Variants in RGS7 observed in about 807,000 individuals in gnomAD.
RGS7 encodes the protein regulator of G-protein signaling 7.
RGS7 carries 27 observed loss-of-function variants against 81.1 expected under a neutral mutation model. The ratio of observed to expected loss-of-function variants is 0.33; its 90% CI spans 0.25 to 0.46. The LOEUF is 0.46. Ranked by LOEUF, RGS7 falls within the 20% of genes least tolerant of loss-of-function variation. RGS7 has a pLI of 1.00. For synonymous variants in RGS7, 208 were observed against 207.7 expected (o/e 1.00, Z -0.01); for missense variants, 396 against 607.4 (o/e 0.65, Z 3.66).
intron 2 of RGS7, among the ~76,000 whole-genome samples, chr1:241,129,769 C>A (rs933598635): frequency 6.6e-6 from 1 of 151,882 alleles, no homozygotes; most frequent in Admixed American, 6.6e-5. Flanking sequence ...TCTGTATTTC[C>A]AAAAAACTTC....
chr1:241,245,797 A>T (rs988998131), intron 2 of RGS7, among the ~76,000 whole-genome samples: 5 of 149,150 alleles, frequency 3.4e-5, no homozygotes, highest in African/African-American at 7.5e-5. Context: ...ACACAGCGAG[A>T]CTCCACCTCA....
intron 2 of RGS7, among the ~76,000 whole-genome samples, chr1:241,179,202 C>A (rs2071401586): frequency 6.6e-6 from 1 of 152,218 alleles, no homozygotes; most frequent in African/African-American, 2.4e-5. Flanking sequence ...TCAAGCAATT[C>A]TCCTGCTTCA....
chr1:240,911,786 G>C (rs1350078773), intron 6 of RGS7, among the ~76,000 whole-genome samples: 1 of 152,118 alleles, frequency 6.6e-6, no homozygotes, highest in African/African-American at 2.4e-5. Context: ...TTTAGTCATA[G>C]GGCAGGTCCT....
At chr1:241,042,362 G>T (rs944008465) in intron 3 of RGS7, among the ~76,000 whole-genome samples, 4 of 151,840 alleles carry the variant, frequency 2.6e-5, no homozygotes, top group African/African-American at 9.7e-5. Context: ...AATCTTTCTG[G>T]GTATGTCTGT....
chr1:241,090,299 G>A (rs891512490), intron 3 of RGS7, among the ~76,000 whole-genome samples: 11 of 152,070 alleles, frequency 7.2e-5, no homozygotes, highest in Admixed American at 2.0e-4. Flanking sequence ...ACAGATATGA[G>A]AAGAGGGGGA....
Position 241,046,076 on chromosome 1 carries a change from TTTTG to T in RGS7, c.175+52586_175+52589del, listed in dbSNP as rs543638949. ...CTTGTGGTTTATGAGTTTAGGGTTT[TTTTG>T]TTTGTTTGTTTTGTTTTTCATATTT... On this transcript the variant is annotated intron_variant, in intron 3 of 18. Coordinates refer to ENST00000440928, the MANE Select transcript of RGS7 (RefSeq NM_001364886.1). 2.1e-4 allele frequency among the ~76,000 whole-genome samples: 32 copies of T among 152,296 alleles called. No individual in the cohort carries two copies. The East Asian group carries it at 3.7e-3, about 17-fold the overall frequency.
chr1:241,183,928 A>G (rs74150241), intron 2 of RGS7, among the ~76,000 whole-genome samples: 17 of 152,346 alleles, frequency 1.1e-4, no homozygotes, highest in African/African-American at 4.1e-4. Context: ...GGAAAGAGAC[A>G]GCAGCAGCTA....
chr1:240,956,881 T>C (rs1680525120), intron 4 of RGS7, among the ~76,000 whole-genome samples: 1 of 151,862 alleles, frequency 6.6e-6, no homozygotes, highest in South Asian at 2.1e-4. Context: ...CAAATCCTAA[T>C]TCAGGGGCAT....
intron 2 of RGS7, among the ~76,000 whole-genome samples, chr1:241,320,776 A>G (rs2081161747): frequency 1.3e-5 from 2 of 152,196 alleles, no homozygotes; most frequent in South Asian, 2.1e-4. Flanking sequence ...AGTGTTATTA[A>G]GTGCAGTGTT....
chr1:240,833,353 ATT>A (rs1356826644), intron 9 of RGS7, among the ~76,000 whole-genome samples: 2 of 152,166 alleles, frequency 1.3e-5, no homozygotes, highest in Non-Finnish European at 2.9e-5. Context: ...AAACTTATGC[ATT>A]GTTTCTTGAA....
intron 18 of RGS7, among the ~76,000 whole-genome samples, chr1:240,783,145 T>C (rs1186545803): frequency 6.6e-6 from 1 of 152,164 alleles, no homozygotes. Context: ...CAAAGAGAGT[T>C]CTCTAGTGTG....
chr1:240,974,384 C>G (rs1193531103), intron 4 of RGS7, among the ~76,000 whole-genome samples: 1 of 152,154 alleles, frequency 6.6e-6, no homozygotes, highest in Non-Finnish European at 1.5e-5. Context: ...TGTTCACGTT[C>G]TCACATCCAT....
At chr1:241,292,736 ATTCC>A (rs924322920) in intron 2 of RGS7, among the ~76,000 whole-genome samples, 3 of 152,216 alleles carry the variant, frequency 2.0e-5, no homozygotes, top group African/African-American at 7.2e-5. Flanking sequence ...TGTCGTGAAC[ATTCC>A]TCTTCCCCCC....
At chr1:241,064,744 A>G (rs908306944) in intron 3 of RGS7, among the ~76,000 whole-genome samples, 2 of 152,068 alleles carry the variant, frequency 1.3e-5, no homozygotes, top group African/African-American at 4.8e-5. Flanking sequence ...AGAGACAAAG[A>G]AAGAAAAAAA....
intron 2 of RGS7, among the ~76,000 whole-genome samples, chr1:241,099,901 C>T (rs72758849): frequency 0.068 from 10,286 of 152,166 alleles, 427 homozygotes; most frequent in Admixed American, 0.092. Context: ...TAGTGTTGTA[C>T]TAATGTTAAT....
chr1:241,354,123 A>G (rs1052627025), intron 2 of RGS7, among the ~76,000 whole-genome samples: 11 of 152,270 alleles, frequency 7.2e-5, no homozygotes, highest in African/African-American at 2.6e-4. Flanking sequence ...AACTCTTCAC[A>G]TTGTATACAC....
chr1:241,132,863 C>G (rs763931613), intron 2 of RGS7, among the ~76,000 whole-genome samples: 1 of 152,004 alleles, frequency 6.6e-6, no homozygotes, highest in Non-Finnish European at 1.5e-5. Context: ...CCTGGGTTCA[C>G]GCCATTCTCC....
chr1:241,198,000 TG>T (rs930959388), intron 2 of RGS7, among the ~76,000 whole-genome samples: 4 of 152,080 alleles, frequency 2.6e-5, no homozygotes, highest in African/African-American at 7.2e-5. Context: ...TTCAAAGGTT[TG>T]GAAATGTGAA....
chr1:240,847,540 C>T (rs911482564), intron 9 of RGS7, among the ~76,000 whole-genome samples: 1 of 152,174 alleles, frequency 6.6e-6, no homozygotes, highest in African/African-American at 2.4e-5. Flanking sequence ...AGCCTAAGCA[C>T]AGTGGCAGGA....
Sources: gnomAD v4.1 joint callset for allele counts (sites outside exome capture counted in the v4.1 genomes callset) on GRCh38, gnomAD v4.1.1 for gene constraint, MANE v1.5 for transcripts, NCBI Gene and HGNC (gene_info 2026-07-23, HGNC 2026-07-21) for gene names.